The following ATRN variants were observed in gnomAD, a reference collection of about 807,000 sequenced individuals.
ATRN encodes attractin, also known as attractin-2.
In ATRN, 54 loss-of-function variants were observed where a neutral mutation model predicts 178.7. That is an observed-to-expected ratio of 0.30 (90% CI 0.24 to 0.38). ATRN has a LOEUF of 0.38. Ranked by LOEUF, ATRN falls within the 10% of genes least tolerant of loss-of-function variation. The pLI, the probability that ATRN is intolerant of heterozygous loss-of-function variation, is 1.00. For synonymous variants in ATRN, 636 were observed against 663.0 expected, an observed-to-expected ratio of 0.96 and a Z score of 0.63; for missense variants, 1,443 against 1,815.1, an observed-to-expected ratio of 0.79 and a Z score of 3.73.
In ATRN at chr20:3,560,700, T is replaced by G. The variant is rs1289786274; in HGVS notation, c.1242T>G (p.Thr414=). The G allele has an allele frequency of 1.2e-6, 2 of 1,613,340 alleles. No homozygotes were observed. Among genetic ancestry groups the G allele is most frequent in the African/African-American group, 2.7e-5 (2 of 74,928 alleles). The part of the protein sequence containing the change: ...IYMYGGKIDS[T]GNVTNELRVF... ...TGTATGGAGGAAAAATTGATTCAACTGGGAATGTGACCAATGAGTTGAGAG... is the reference window on the plus strand; with the variant it reads ...TGTATGGAGGAAAAATTGATTCAACGGGGAATGTGACCAATGAGTTGAGAG... The change falls in exon 8 of 29, where the codon ACT becomes ACG. Residue 414 remains threonine (T), a synonymous_variant. Transcript: ENST00000262919.
At chr20:3,604,490 G>A (rs192293865) in intron 24 of ATRN, among the ~76,000 whole-genome samples, 1 of 152,366 alleles carries the variant, frequency 6.6e-6, no homozygotes, top group African/African-American at 2.4e-5. Context: ...TTGAAAGCAA[G>A]TTGGCATGTA....
At chr20:3,490,946 G>A (rs536735081) in intron 1 of ATRN, 15 of 1,513,960 alleles carry the variant, frequency 9.9e-6, no homozygotes, top group Admixed American at 1.7e-5. Context: ...TGGCCATGAC[G>A]TCCATGAGCC....
intron 1 of ATRN, among the ~76,000 whole-genome samples, chr20:3,491,218 T>C (rs1011941887): frequency 1.3e-5 from 2 of 152,182 alleles, no homozygotes; most frequent in African/African-American, 4.8e-5. Context: ...TTTCTGTGTT[T>C]CATTTTACAA....
intron 22 of ATRN, among the ~76,000 whole-genome samples, chr20:3,599,467 A>G (rs569932649): frequency 6.0e-4 from 92 of 152,224 alleles, no homozygotes; most frequent in Non-Finnish European, 1.0e-3. Flanking sequence ...ATCCAAATGC[A>G]TATGTTCTGT....
At chr20:3,630,668 A>G (rs115197869) in intron 25 of ATRN, among the ~76,000 whole-genome samples, 2,174 of 152,278 alleles carry the variant, frequency 0.014, 50 homozygotes, top group African/African-American at 0.049. Flanking sequence ...CACTATCAGA[A>G]TAAGTCGAGG....
At chr20:3,523,677 G>A (rs2085326446) in intron 1 of ATRN, among the ~76,000 whole-genome samples, 1 of 152,176 alleles carries the variant, frequency 6.6e-6, no homozygotes, top group African/African-American at 2.4e-5. Context: ...GAAAGACTGA[G>A]TTACCCTCAA....
chr20:3,628,780 A>G, intron 25 of ATRN: 1 of 598,096 alleles, frequency 1.7e-6, no homozygotes, highest in Non-Finnish European at 2.1e-6. Flanking sequence ...CAACCAACTG[A>G]CTGCTTCATG....
intron 1 of ATRN, among the ~76,000 whole-genome samples, chr20:3,505,617 C>G (rs956434349): frequency 6.6e-6 from 1 of 152,154 alleles, no homozygotes; most frequent in African/African-American, 2.4e-5. Context: ...AGGACTTAAG[C>G]CTTAATGTAT....
At chr20:3,555,471 G>T (rs2085864486) in intron 6 of ATRN, among the ~76,000 whole-genome samples, 2 of 152,118 alleles carry the variant, frequency 1.3e-5, no homozygotes, top group Non-Finnish European at 2.9e-5. Context: ...GAAAGGGGGA[G>T]AAATTGACCA....
At position 3,496,387 on chromosome 20, in the gene ATRN, T is replaced by C. The variant is rs564265977; in HGVS notation, c.410+24870T>C. 1.4e-4 allele frequency among the ~76,000 whole-genome samples: 22 copies of C among 151,956 alleles called. No homozygotes were observed. The East Asian group carries it at 4.3e-3, about 29-fold the overall frequency. On this transcript the variant is annotated intron_variant, in intron 1 of 28. Transcript: ENST00000262919. ...CGTTGGTTTCAAAGAACATCTTTAT[T>C]TCTGCCTTCATTTCGTTATGTACCC...
chr20:3,533,438 C>T (rs1393989910), intron 1 of ATRN, among the ~76,000 whole-genome samples: 6 of 152,196 alleles, frequency 3.9e-5, no homozygotes, highest in African/African-American at 1.4e-4. Context: ...TACTTGTAGA[C>T]ATGTCAGTAA....
chr20:3,598,773 C>G lies in ATRN; in HGVS notation c.3564+773C>G, dbSNP rs649595. Among the ~76,000 whole-genome samples, 567 of 152,192 alleles carry G rather than the reference C, an allele frequency of 3.7e-3. 2 individuals are homozygous for G. The highest frequency in any genetic ancestry group is 0.014 in the Middle Eastern group (4 of 294). ...CACTTCAGTATTTAAAGAAATTTTG[C>G]TAAACATAATGGTAAATTATTTAGG... On this transcript the variant is annotated intron_variant, in intron 22 of 28. Coordinates refer to ENST00000262919, the MANE Select transcript of ATRN (RefSeq NM_139321.3).
chr20:3,610,366 C>G (rs977923970), intron 24 of ATRN, among the ~76,000 whole-genome samples: 5 of 152,086 alleles, frequency 3.3e-5, no homozygotes, highest in African/African-American at 9.7e-5. Context: ...ATAGGCTGAT[C>G]TATAGGTAGA....
At chr20:3,473,239 G>T (rs2084458115) in intron 1 of ATRN, among the ~76,000 whole-genome samples, 1 of 152,162 alleles carries the variant, frequency 6.6e-6, no homozygotes, top group African/African-American at 2.4e-5. Flanking sequence ...TTTTGTTTAA[G>T]GCTGTGGAGG....
chr20:3,554,145 T>G (rs1203343800), intron 6 of ATRN, among the ~76,000 whole-genome samples: 2 of 152,140 alleles, frequency 1.3e-5, no homozygotes, highest in African/African-American at 4.8e-5. Context: ...ACATTGTTTT[T>G]TAGATCATAA....
At chr20:3,515,176 T>G (rs948680842) in intron 1 of ATRN, among the ~76,000 whole-genome samples, 1 of 152,120 alleles carries the variant, frequency 6.6e-6, no homozygotes, top group African/African-American at 2.4e-5. Flanking sequence ...GTGATAAATG[T>G]TAGAAAGGAA....
chr20:3,531,056 G>A (rs371283790), intron 1 of ATRN, among the ~76,000 whole-genome samples: 3 of 152,150 alleles, frequency 2.0e-5, no homozygotes, highest in Non-Finnish European at 4.4e-5. Context: ...TTTTCCTAGT[G>A]TACAGGTGTT....
In ATRN at chr20:3,471,248, G is replaced by T; in HGVS notation, c.141G>T (p.Leu47=). Residue 47 remains leucine (L), a synonymous_variant, in exon 1 of 29, where the codon CTG becomes CTT. Coordinates refer to ENST00000262919, the MANE Select transcript of ATRN (RefSeq NM_139321.3). ...GGAGGCCGGGGCTGGGGGCCGGGCTGCGCCTCCCGCGGCTGCTGTCTCCAC... is the reference window on the plus strand; with the variant it reads ...GGAGGCCGGGGCTGGGGGCCGGGCTTCGCCTCCCGCGGCTGCTGTCTCCAC... ...RAGRPGLGAG[L]RLPRLLSPPL... 6.9e-7 allele frequency: 1 copy of T among 1,444,510 alleles called. No homozygotes were observed. 89.5% of individuals were successfully genotyped at this position (1,444,510 alleles called of 1,614,324 possible).
intron 2 of ATRN, 50 bp downstream of exon 2, chr20:3,535,386 G>T: frequency 9.8e-7 from 1 of 1,019,952 alleles, no homozygotes; most frequent in Non-Finnish European, 1.4e-6. Flanking sequence ...ATAGAAGTCA[G>T]TGTGACATTA....
Sources: gnomAD v4.1 joint callset for allele counts (sites outside exome capture counted in the v4.1 genomes callset) on GRCh38, gnomAD v4.1.1 for gene constraint, MANE v1.5 for transcripts, NCBI Gene and HGNC (gene_info 2026-07-23, HGNC 2026-07-21) for gene names.